The following PRR11 variants were observed in gnomAD, a reference collection of about 807,000 sequenced individuals.
PRR11 encodes proline rich 11, also known as proline-rich protein 11.
Under a neutral mutation model 45.6 loss-of-function variants are expected in PRR11, and 30 were observed. That is an observed-to-expected ratio of 0.66 (90% CI 0.49 to 0.89). The LOEUF (loss-of-function observed/expected upper bound fraction) is 0.89, where lower values mean the gene tolerates loss of function less well. Ranked by LOEUF, PRR11 falls within the 40% of genes least tolerant of loss-of-function variation. The pLI is 0.00. For missense variants in PRR11, 373 were observed against 424.8 expected (o/e 0.88, Z 1.07); for synonymous variants, 128 against 153.5 (o/e 0.83, Z 1.23).
At chr17:59,160,973 G>A (rs1191521431) in intron 1 of PRR11, 2 of 151,342 alleles carry the variant, frequency 1.3e-5, no homozygotes, top group Admixed American at 6.6e-5. Flanking sequence ...CTGGGCTAAA[G>A]GCATCCTCCC....
intron 2 of PRR11, among the ~76,000 whole-genome samples, chr17:59,176,284 T>C (rs2046745281): frequency 6.6e-6 from 1 of 152,158 alleles, no homozygotes; most frequent in South Asian, 2.1e-4. Flanking sequence ...GAATTTGCAC[T>C]GTGGACCCTG....
At chr17:59,181,746 G>T in intron 2 of PRR11, 1 of 1,557,584 alleles carries the variant, frequency 6.4e-7, no homozygotes, top group Non-Finnish European at 8.7e-7. Flanking sequence ...CTACCCCAGG[G>T]GCTGAGTAAA....
At chr17:59,163,793 G>C (rs1016409620) in intron 1 of PRR11, 1 of 152,316 alleles carries the variant, frequency 6.6e-6, no homozygotes. Flanking sequence ...TTGGCCGGGC[G>C]CAGTGGCTCA....
intron 2 of PRR11, among the ~76,000 whole-genome samples, chr17:59,183,253 A>G (rs1323517355): frequency 6.6e-6 from 1 of 152,164 alleles, no homozygotes; most frequent in Non-Finnish European, 1.5e-5. Context: ...CTGTCCCAGC[A>G]GAGGCTGTGT....
Position 59,194,993 on chromosome 17 carries a change from G to T in PRR11, c.744+138G>T, listed in dbSNP as rs1016791331. ...GTTCAGGACCAGCATGGGGAATATG[G>T]CAAGACCTCATCTCAATTTGTATAC... is the stretch of plus-strand genomic sequence containing the variant. On this transcript the variant is annotated intron_variant, in intron 6 of 9. Transcript: ENST00000262293. The T allele has an allele frequency of 4.5e-5, 30 of 664,208 alleles. 1 individual carries two copies. Among genetic ancestry groups the T allele is most frequent in the Middle Eastern group, 4.0e-4 (1 of 2,506 alleles). 41.1% of individuals were successfully genotyped at this position (664,208 alleles called of 1,614,324 possible). A position where few individuals can be genotyped will look rare whatever the true frequency, so the allele number is the denominator to read the frequency against.
At chr17:59,198,661 G>A (rs911323696) in intron 9 of PRR11, among the ~76,000 whole-genome samples, 1 of 151,100 alleles carries the variant, frequency 6.6e-6, no homozygotes, top group East Asian at 1.9e-4. Flanking sequence ...GTGACAGAGC[G>A]AGACTTAGTC....
intron 7 of PRR11, 80 bp downstream of exon 7, chr17:59,195,523 A>C: frequency 4.3e-5 from 39 of 903,524 alleles, no homozygotes; most frequent in Non-Finnish European, 6.2e-5. Flanking sequence ...GAAAAGGAAA[A>C]AAAGATTTTT....
chr17:59,169,093 CTTTTT>C (rs780548478), intron 1 of PRR11, among the ~76,000 whole-genome samples: 1 of 106,724 alleles, frequency 9.4e-6, no homozygotes. Context: ...GAAACATATT[CTTTTT>C]TTTTTTTTTT....
chr17:59,185,645 G>A, intron 4 of PRR11, 83 bp downstream of exon 4: 2 of 1,222,726 alleles, frequency 1.6e-6, no homozygotes, highest in Non-Finnish European at 2.3e-6. Context: ...TAGGGAAAAT[G>A]CTCAAGTCAT....
At chr17:59,197,157 T>G (rs576703297) in intron 7 of PRR11, among the ~76,000 whole-genome samples, 1 of 152,310 alleles carries the variant, frequency 6.6e-6, no homozygotes, top group East Asian at 1.9e-4. Context: ...TCTACTGCTA[T>G]TTTTTAATGT....
intron 9 of PRR11, among the ~76,000 whole-genome samples, chr17:59,200,172 ATTG>A (rs2046885540): frequency 6.6e-6 from 1 of 152,228 alleles, no homozygotes; most frequent in Non-Finnish European, 1.5e-5. Context: ...TCTAGTTAAA[ATTG>A]TTGTTAGATA....
At chr17:59,189,447 C>A (rs1186317856) in intron 4 of PRR11, among the ~76,000 whole-genome samples, 1 of 152,062 alleles carries the variant, frequency 6.6e-6, no homozygotes, top group Non-Finnish European at 1.5e-5. Context: ...AGTTCTTCTG[C>A]CTCAACCTCC....
chr17:59,165,792 C>CAAA (rs1218744788), intron 1 of PRR11, among the ~76,000 whole-genome samples: 1 of 143,740 alleles, frequency 7.0e-6, no homozygotes, highest in African/African-American at 2.6e-5. Flanking sequence ...AACTCTGTCT[C>CAAA]AAAAAAAAAA....
chr17:59,172,728 G>A (rs1470534348), intron 2 of PRR11, among the ~76,000 whole-genome samples: 2 of 152,222 alleles, frequency 1.3e-5, no homozygotes, highest in Non-Finnish European at 2.9e-5. Context: ...CGCTGTGCTC[G>A]ATTTCTCGCC....
intron 2 of PRR11, among the ~76,000 whole-genome samples, chr17:59,171,677 T>G (rs1416042309): frequency 1.3e-5 from 2 of 151,974 alleles, no homozygotes; most frequent in African/African-American, 2.4e-5. Flanking sequence ...CAATAAAATA[T>G]ATAGTATATA....
At chr17:59,181,853 A>G in intron 2 of PRR11, 2 of 1,448,974 alleles carry the variant, frequency 1.4e-6, no homozygotes, top group Admixed American at 1.8e-5. Flanking sequence ...CCAGCCTTGC[A>G]GACTGTTGGC....
At chr17:59,195,192 G>A (rs2046859744) in intron 6 of PRR11, 139 bp from the exon 7 acceptor site, 16 of 664,454 alleles carry the variant, frequency 2.4e-5, no homozygotes, top group Non-Finnish European at 4.0e-5. Flanking sequence ...ATCCTTTGAA[G>A]CTCTGGAATA....
intron 1 of PRR11, chr17:59,163,538 A>G (rs747764560): frequency 6.6e-6 from 1 of 152,234 alleles, no homozygotes; most frequent in African/African-American, 2.4e-5. Context: ...ACAGAACAGT[A>G]AAACTCTGCT....
chr17:59,203,465 TCCAC>T lies in PRR11; in HGVS notation c.*1838_*1841del, dbSNP rs2046902385. On this transcript the variant is annotated 3_prime_UTR_variant, in exon 10 of 10. Transcript: ENST00000262293. ...GTCTTGAACTCCTCACCTCAGGTGA[TCCAC>T]CCATCTCAGCCTCCCAAAGTGCTGA... 1 of 152,206 alleles carries T rather than the reference TCCAC, an allele frequency of 6.6e-6. No individual in the cohort carries two copies. Among genetic ancestry groups the T allele is most frequent in the Admixed American group, 6.6e-5 (1 of 15,266 alleles). The allele number at this position is 152,206 out of a possible 1,614,324, so 9.4% of individuals were successfully genotyped here. A position where few individuals can be genotyped will look rare whatever the true frequency, so the allele number is the denominator to read the frequency against.
Sources: gnomAD v4.1 joint callset for allele counts (sites outside exome capture counted in the v4.1 genomes callset) on GRCh38, gnomAD v4.1.1 for gene constraint, MANE v1.5 for transcripts, NCBI Gene and HGNC (gene_info 2026-07-23, HGNC 2026-07-21) for gene names.